The following POLQ variants were observed in gnomAD, a reference collection of about 807,000 sequenced individuals.
POLQ encodes epididymis secretory sperm binding protein.
In POLQ, 233 loss-of-function variants were observed where a neutral mutation model predicts 259.2. The observed-to-expected ratio is 0.90, with a 90% confidence interval of 0.81 to 1.00. POLQ has a LOEUF of 1.00. Among genes scored for constraint, POLQ ranks in the 50% least tolerant of loss-of-function variants. The pLI, the probability that POLQ is intolerant of heterozygous loss-of-function variation, is 0.00. For synonymous variants in POLQ, 1,025 were observed against 1,048.8 expected (o/e 0.98, Z 0.44); for missense variants, 2,871 against 3,051.6 (o/e 0.94, Z 1.39).
At chr3:121,462,428 C>G (rs1446078093) in intron 24 of POLQ, among the ~76,000 whole-genome samples, 2 of 152,086 alleles carry the variant, frequency 1.3e-5, no homozygotes, top group African/African-American at 4.8e-5. Context: ...AGCGCTGTAT[C>G]TGTCTCTGAA....
At chr3:121,481,491 A>C in intron 19 of POLQ, 81 bp downstream of exon 19, 1 of 1,255,996 alleles carries the variant, frequency 8.0e-7, no homozygotes, top group Non-Finnish European at 1.1e-6. Flanking sequence ...ATAAATGTGT[A>C]ATTTACCCAT....
At chr3:121,448,218 T>A (rs1355064809) in intron 26 of POLQ, among the ~76,000 whole-genome samples, 1 of 152,092 alleles carries the variant, frequency 6.6e-6, no homozygotes, top group Non-Finnish European at 1.5e-5. Context: ...TACTTTTTTA[T>A]CTCCTCTGTG....
intron 9 of POLQ, among the ~76,000 whole-genome samples, chr3:121,518,474 T>G (rs1260597673): frequency 2.0e-5 from 3 of 152,178 alleles, no homozygotes; most frequent in African/African-American, 7.2e-5. Flanking sequence ...TTGGAAAGAT[T>G]CAAATTTTTC....
intron 4 of POLQ, among the ~76,000 whole-genome samples, chr3:121,538,204 C>T (rs1471629492): frequency 1.3e-5 from 2 of 151,770 alleles, no homozygotes; most frequent in South Asian, 4.2e-4. Flanking sequence ...AAGAAAAAGA[C>T]AATTTTAAGA....
chr3:121,534,071 T>C (rs2048431765), intron 5 of POLQ, among the ~76,000 whole-genome samples: 1 of 151,644 alleles, frequency 6.6e-6, no homozygotes, highest in African/African-American at 2.4e-5. Context: ...AGAGACGGGT[T>C]TTCACCATGT....
intron 6 of POLQ, among the ~76,000 whole-genome samples, chr3:121,530,188 A>C (rs1576427896): frequency 6.6e-6 from 1 of 152,328 alleles, no homozygotes; most frequent in East Asian, 1.9e-4. Flanking sequence ...GTGCAAAAGC[A>C]GTATGCACTC....
intron 21 of POLQ, 149 bp from the exon 22 acceptor site, chr3:121,472,313 C>A: frequency 2.3e-6 from 1 of 444,312 alleles, no homozygotes; most frequent in Non-Finnish European, 4.0e-6. Flanking sequence ...TTTAAACCAC[C>A]GTATTGATAA....
chr3:121,540,896 A>AT (rs59706476), intron 3 of POLQ, among the ~76,000 whole-genome samples: 92,017 of 146,508 alleles, frequency 0.63, 29,026 homozygotes, highest in East Asian at 0.88. Flanking sequence ...AATTTTTTTA[A>AT]TTTTTTTTTT....
rs1036203742 is a variant in POLQ, at chr3:121,432,846, A to G, written c.7659+72T>C. The G allele has an allele frequency of 4.4e-6, 4 of 907,282 alleles. No individual in the cohort carries two copies. The African/African-American group carries it at 6.5e-5, about 15-fold the overall frequency. The allele number at this position is 907,282 out of a possible 1,614,324, so 56.2% of individuals were successfully genotyped here. On this transcript the variant is annotated intron_variant, in intron 29 of 29. Transcript: ENST00000264233. Reference sequence around the variant, plus strand: ...GAGTTCCAAAATCCTCATGCACAGGAAACAAAGCTGTCGGCCTGACAATAC... The same window carrying G: ...GAGTTCCAAAATCCTCATGCACAGGGAACAAAGCTGTCGGCCTGACAATAC...
rs765321041 is a variant in POLQ at position 121,432,265 on chromosome 3, T to G, written c.*39A>C. ...TCTGTTCTTTCCAGGTGACTGCATCTGCACAGGCTTCCCTGGGAGGACTTC... is the reference window on the plus strand; with the variant it reads ...TCTGTTCTTTCCAGGTGACTGCATCGGCACAGGCTTCCCTGGGAGGACTTC... On this transcript the variant is annotated 3_prime_UTR_variant, in exon 30 of 30. Coordinates refer to ENST00000264233, the MANE Select transcript of POLQ (RefSeq NM_199420.4). 2.6e-6 allele frequency: 4 copies of G among 1,556,644 alleles called. No individual in the cohort carries two copies. The African/African-American group carries it at 5.6e-5, about 22-fold the overall frequency.
intron 26 of POLQ, among the ~76,000 whole-genome samples, chr3:121,443,100 C>T (rs886512063): frequency 3.3e-5 from 5 of 152,196 alleles, no homozygotes; most frequent in Non-Finnish European, 7.3e-5. Flanking sequence ...TTGTGATCCA[C>T]CCGCCTCAGC....
chr3:121,476,435 ACC>A (rs2047925779), intron 20 of POLQ, 103 bp downstream of exon 20: 1 of 760,216 alleles, frequency 1.3e-6, no homozygotes, highest in African/African-American at 1.9e-5. Flanking sequence ...CATTTTACTG[ACC>A]TTTGGTGTTC....
At chr3:121,504,356 ACT>A (rs1210735298) in intron 12 of POLQ, among the ~76,000 whole-genome samples, 2 of 152,228 alleles carry the variant, frequency 1.3e-5, no homozygotes, top group Non-Finnish European at 2.9e-5. Context: ...AAAAATCGAA[ACT>A]CTGAATAGTT....
chr3:121,475,772 C>T (rs769389608), intron 20 of POLQ, among the ~76,000 whole-genome samples: 3 of 152,162 alleles, frequency 2.0e-5, no homozygotes, highest in Non-Finnish European at 4.4e-5. Context: ...TGCTCAAGGC[C>T]TGTAGCTTAC....
intron 25 of POLQ, among the ~76,000 whole-genome samples, chr3:121,455,563 T>A (rs1431025933): frequency 6.0e-5 from 9 of 150,266 alleles, no homozygotes; most frequent in Admixed American, 2.0e-4. Context: ...TCACCACCGA[T>A]CCCACAGAAA....
Position 121,537,163 on chromosome 3 carries a change from C to T in POLQ, c.677G>A (p.Arg226Gln), listed in dbSNP as rs771235928. 8 of 1,606,696 alleles carry T rather than the reference C, an allele frequency of 5.0e-6. No homozygotes were observed. Among genetic ancestry groups the T allele is most frequent in the East Asian group, 2.2e-5 (1 of 44,832 alleles). Reference sequence around the variant, plus strand: ...CAGCAAAAGTTCCAGCAGATACCCTCGGTGAGAGTCTCCCAGCATATGTAA... The same window carrying T: ...CAGCAAAAGTTCCAGCAGATACCCTTGGTGAGAGTCTCCCAGCATATGTAA... ...DELHMLGDSH[R>Q]GYLLELLLTK... The change falls in exon 5 of 30, where the codon CGA becomes CAA. Residue 226 changes from arginine to glutamine, a missense_variant. Around this residue, in one of 3 missense-constraint regions of POLQ, gnomAD observed 783 missense variants for 906.2 expected, o/e 0.86. Transcript: ENST00000264233.
chr3:121,453,983 A>G (rs1461421884), intron 25 of POLQ, among the ~76,000 whole-genome samples: 1 of 152,322 alleles, frequency 6.6e-6, no homozygotes, highest in East Asian at 1.9e-4. Context: ...GCCAGAGACA[A>G]AGGTCGGGTT....
intron 4 of POLQ, among the ~76,000 whole-genome samples, chr3:121,537,488 T>C (rs2048459131): frequency 6.6e-6 from 1 of 152,190 alleles, no homozygotes; most frequent in Non-Finnish European, 1.5e-5. Context: ...CTGTTGTCGC[T>C]ATCTTTATGT....
chr3:121,433,301 T>A (rs893754383), intron 28 of POLQ, among the ~76,000 whole-genome samples: 6 of 152,178 alleles, frequency 3.9e-5, no homozygotes, highest in Admixed American at 6.5e-5. Flanking sequence ...CTAGTCCAAC[T>A]TATTTCTCAT....
Sources: gnomAD v4.1 joint callset for allele counts (sites outside exome capture counted in the v4.1 genomes callset) on GRCh38, gnomAD v4.1.1 for gene constraint, gnomAD v4.1.1 regional missense constraint, MANE v1.5 for transcripts, NCBI Gene and HGNC (gene_info 2026-07-23, HGNC 2026-07-21) for gene names.